The following CDYL variants were observed in gnomAD, a reference collection of about 807,000 sequenced individuals.
CDYL encodes the protein chromodomain Y-like protein.
In CDYL, 8 loss-of-function variants were observed where a neutral mutation model predicts 47.3. The ratio of observed to expected loss-of-function variants is 0.17; its 90% CI spans 0.10 to 0.31. The LOEUF (loss-of-function observed/expected upper bound fraction) is 0.31. Ranked by LOEUF, CDYL falls within the 10% of genes least tolerant of loss-of-function variation. The pLI is 1.00. For synonymous variants in CDYL, 266 were observed against 265.0 expected, an observed-to-expected ratio of 1.00 and a Z score of -0.04; for missense variants, 471 against 701.4, an observed-to-expected ratio of 0.67 and a Z score of 3.71.
chr6:4,845,566 CT>C (rs1421545762), intron 1 of CDYL, among the ~76,000 whole-genome samples: 2 of 152,132 alleles, frequency 1.3e-5, no homozygotes, highest in Admixed American at 6.5e-5. Flanking sequence ...TTCAGCAAAC[CT>C]TTTCTGTAAG....
chr6:4,841,458 T>C (rs1760486088), intron 1 of CDYL, among the ~76,000 whole-genome samples: 1 of 152,182 alleles, frequency 6.6e-6, no homozygotes, highest in African/African-American at 2.4e-5. Flanking sequence ...TTCTTGTTTT[T>C]ATGATTCCTT....
At chr6:4,865,420 T>A (rs1159258328) in intron 1 of CDYL, among the ~76,000 whole-genome samples, 1 of 152,174 alleles carries the variant, frequency 6.6e-6, no homozygotes, top group East Asian at 1.9e-4. Context: ...CCCCTTCCCC[T>A]CCCTTTTCCA....
chr6:4,944,906 A>G (rs901034301), intron 5 of CDYL, among the ~76,000 whole-genome samples: 1 of 152,214 alleles, frequency 6.6e-6, no homozygotes, highest in Non-Finnish European at 1.5e-5. Flanking sequence ...TGAGGGGAAC[A>G]CAGCCTTCGT....
At chr6:4,835,084 CTCCG>C (rs1373704012) in intron 1 of CDYL, among the ~76,000 whole-genome samples, 2 of 152,224 alleles carry the variant, frequency 1.3e-5, no homozygotes, top group Non-Finnish European at 2.9e-5. Context: ...CAAAGTCATT[CTCCG>C]TCCAGCTTTG....
chr6:4,874,759 C>G (rs1761573722), intron 1 of CDYL, among the ~76,000 whole-genome samples: 1 of 152,216 alleles, frequency 6.6e-6, no homozygotes, highest in East Asian at 1.9e-4. Flanking sequence ...GTTCTCATGT[C>G]CCTTTCCACA....
At chr6:4,873,088 A>G (rs777911016) in intron 1 of CDYL, among the ~76,000 whole-genome samples, 5 of 152,248 alleles carry the variant, frequency 3.3e-5, no homozygotes, top group Non-Finnish European at 7.3e-5. Context: ...TACAATACAC[A>G]TATATAGACA....
chr6:4,718,867 T>C (rs1757318825), intron 2 of CDYL, among the ~76,000 whole-genome samples: 1 of 152,172 alleles, frequency 6.6e-6, no homozygotes, highest in Non-Finnish European at 1.5e-5. Context: ...AGTTTATTGA[T>C]AGGCATTCAG....
intron 1 of CDYL, among the ~76,000 whole-genome samples, chr6:4,850,811 G>A (rs916360392): frequency 6.6e-6 from 1 of 152,020 alleles, no homozygotes; most frequent in African/African-American, 2.4e-5. Flanking sequence ...ATATAATTTG[G>A]ATATTTAACA....
chr6:4,756,384 C>T (rs927200790), intron 3 of CDYL, among the ~76,000 whole-genome samples: 2 of 152,146 alleles, frequency 1.3e-5, no homozygotes, highest in South Asian at 2.1e-4. Flanking sequence ...AAACTTTGCT[C>T]ACTCAGCCTT....
At chr6:4,734,029 G>A (rs992260622) in intron 2 of CDYL, among the ~76,000 whole-genome samples, 3 of 151,790 alleles carry the variant, frequency 2.0e-5, no homozygotes, top group African/African-American at 7.3e-5. Context: ...TAGTAGAGAT[G>A]GGGTTTCACC....
chr6:4,891,487 G>A (rs1762038280), intron 1 of CDYL, among the ~76,000 whole-genome samples: 1 of 152,154 alleles, frequency 6.6e-6, no homozygotes, highest in Non-Finnish European at 1.5e-5. Flanking sequence ...GTCACCTAAT[G>A]CATATCCACA....
chr6:4,794,829 G>T (rs139580233), intron 1 of CDYL, among the ~76,000 whole-genome samples: 2 of 152,304 alleles, frequency 1.3e-5, no homozygotes, highest in African/African-American at 4.8e-5. Flanking sequence ...GTTAATGCCA[G>T]TACATAGAAA....
chr6:4,840,131 C>T (rs866373379), intron 1 of CDYL, among the ~76,000 whole-genome samples: 2 of 151,982 alleles, frequency 1.3e-5, no homozygotes, highest in African/African-American at 4.8e-5. Context: ...AGAGGTCTTT[C>T]ACCTCCTTAG....
intron 2 of CDYL, among the ~76,000 whole-genome samples, chr6:4,720,854 T>G (rs1757355423): frequency 6.6e-6 from 1 of 152,212 alleles, no homozygotes; most frequent in African/African-American, 2.4e-5. Context: ...TTCCTTCTCC[T>G]AGGTAGCCTA....
At chr6:4,893,694 C>CAAA (rs760685131) in intron 2 of CDYL, among the ~76,000 whole-genome samples, 5 of 103,316 alleles carry the variant, frequency 4.8e-5, no homozygotes, top group African/African-American at 1.8e-4. Flanking sequence ...CTCCGTCTCC[C>CAAA]AAAAAAAAAA....
intron 3 of CDYL, chr6:4,734,953 G>A (rs1757675686): frequency 5.4e-6 from 8 of 1,491,116 alleles, no homozygotes; most frequent in Non-Finnish European, 7.2e-6. Context: ...TCCTGTGCTT[G>A]GGTCCCTTTG....
intron 2 of CDYL, among the ~76,000 whole-genome samples, chr6:4,900,543 C>G (rs1332127498): frequency 6.6e-6 from 1 of 151,726 alleles, no homozygotes. Context: ...AACGATAAAA[C>G]ACAAGGCCTG....
chr6:4,790,352 C>A (rs991240232), intron 1 of CDYL, among the ~76,000 whole-genome samples: 1 of 152,160 alleles, frequency 6.6e-6, no homozygotes, highest in African/African-American at 2.4e-5. Flanking sequence ...TGTCAGAGTT[C>A]AGGAGGTGTT....
intron 1 of CDYL, among the ~76,000 whole-genome samples, chr6:4,812,892 A>T (rs1759567924): frequency 6.6e-6 from 1 of 152,138 alleles, no homozygotes; most frequent in Admixed American, 6.5e-5. Flanking sequence ...ATGTATAGGT[A>T]TATGTGCATT....
Sources: gnomAD v4.1 joint callset for allele counts (sites outside exome capture counted in the v4.1 genomes callset) on GRCh38, gnomAD v4.1.1 for gene constraint, MANE v1.5 for transcripts, NCBI Gene and HGNC (gene_info 2026-07-23, HGNC 2026-07-21) for gene names.